CPED1: variants seen among roughly 807,000 people sequenced by gnomAD.
CPED1 encodes cadherin like and PC-esterase domain containing 1.
Under a neutral mutation model 128.2 loss-of-function variants are expected in CPED1, and 114 were observed. The observed-to-expected ratio is 0.89, with a 90% CI of 0.76 to 1.04. The LOEUF is 1.04. CPED1 is among the 50% of genes least tolerant of loss of function. CPED1 has a pLI of 0.00. For missense variants in CPED1, 1,211 were observed against 1,207.1 expected (o/e 1.00, Z -0.05); for synonymous variants, 462 against 426.7 (o/e 1.08, Z -1.02).
At chr7:121,168,013 G>T (rs559006831) in intron 16 of CPED1, among the ~76,000 whole-genome samples, 136 of 152,226 alleles carry the variant, frequency 8.9e-4, no homozygotes, top group Non-Finnish European at 1.7e-3. Context: ...GATTACAGGC[G>T]TGAGCCACCG....
chr7:121,090,806 G>A (rs920134018), intron 5 of CPED1, among the ~76,000 whole-genome samples: 1 of 151,916 alleles, frequency 6.6e-6, no homozygotes, highest in African/African-American at 2.4e-5. Flanking sequence ...AAAATTAACC[G>A]GGCATGGTGG....
intron 18 of CPED1, among the ~76,000 whole-genome samples, chr7:121,262,123 C>A (rs1396120218): frequency 6.6e-6 from 1 of 151,930 alleles, no homozygotes; most frequent in East Asian, 1.9e-4. Context: ...TTTAAAAGAG[C>A]CTGGCATGTC....
chr7:121,149,287 C>T (rs1584548862), intron 16 of CPED1, among the ~76,000 whole-genome samples: 2 of 152,096 alleles, frequency 1.3e-5, no homozygotes, highest in East Asian at 3.9e-4. Context: ...TGCACACATC[C>T]AAGGCTTGGG....
intron 3 of CPED1, among the ~76,000 whole-genome samples, chr7:121,030,344 T>TGGTTCCAGTTA (rs1281281094): frequency 2.0e-5 from 3 of 152,242 alleles, no homozygotes; most frequent in Non-Finnish European, 4.4e-5. Context: ...TCACTTTCCG[T>TGGTTCCAGTTA]GGTTCCAGTT....
At chr7:121,270,576 G>C (rs1792210714) in intron 21 of CPED1, among the ~76,000 whole-genome samples, 1 of 152,056 alleles carries the variant, frequency 6.6e-6, no homozygotes, top group Non-Finnish European at 1.5e-5. Context: ...TAAGAGGTAA[G>C]AATCCAGTTT....
rs759860937 is a variant in CPED1, at chr7:121,136,096, T to A, written c.1699+6T>A. On this transcript the variant is annotated splice_donor_region_variant and intron_variant, in intron 14 of 22. Transcript: ENST00000310396. ...AGAAATACATTGCAGTGATGGTGAG[T>A]TGAGATTAAAGTGTTGTAGCAGCAT... The A allele has an allele frequency of 9.7e-6, 15 of 1,551,640 alleles. No homozygotes were observed. Among genetic ancestry groups the A allele is most frequent in the Non-Finnish European group, 1.3e-5 (15 of 1,158,428 alleles).
At chr7:121,129,312 CGTAT>C (rs1440454236) in intron 11 of CPED1, among the ~76,000 whole-genome samples, 188 of 13,644 alleles carry the variant, frequency 0.014, 2 homozygotes, top group Non-Finnish European at 0.018. Flanking sequence ...TATATATATA[CGTAT>C]ATATATATAT....
At chr7:121,015,216 G>A (rs995756837) in intron 2 of CPED1, among the ~76,000 whole-genome samples, 3 of 152,020 alleles carry the variant, frequency 2.0e-5, no homozygotes, top group South Asian at 2.1e-4. Flanking sequence ...TTCTCACCTC[G>A]ACCCCTTCCT....
In CPED1 at chr7:121,101,912, A is replaced by G. The variant is rs140249189; in HGVS notation, c.918+1818A>G. On this transcript the variant is annotated intron_variant, in intron 7 of 22. Transcript: ENST00000310396. ...CCTCCCAGCAGGCCCCACCTCCAAC[A>G]TTGGGGATCATATTTCAACATGAGA... Among the ~76,000 whole-genome samples the G allele has an allele frequency of 9.4e-4, 143 of 152,246 alleles. 2 individuals carry two copies. Among genetic ancestry groups the G allele is most frequent in the African/African-American group, 3.3e-3 (136 of 41,550 alleles).
intron 22 of CPED1, among the ~76,000 whole-genome samples, chr7:121,275,256 A>G (rs1003342295): frequency 2.6e-5 from 4 of 152,174 alleles, no homozygotes; most frequent in African/African-American, 9.6e-5. Context: ...AGGCACCAAA[A>G]GAGAATATGT....
At chr7:121,114,991 T>C (rs978691136) in intron 7 of CPED1, among the ~76,000 whole-genome samples, 5 of 152,168 alleles carry the variant, frequency 3.3e-5, no homozygotes, top group Non-Finnish European at 7.3e-5. Flanking sequence ...TGACTTGGAG[T>C]GTTCAAGATA....
At chr7:121,279,596 G>T (rs940082972) in intron 22 of CPED1, among the ~76,000 whole-genome samples, 1 of 152,124 alleles carries the variant, frequency 6.6e-6, no homozygotes, top group African/African-American at 2.4e-5. Context: ...CTGTGAGTGA[G>T]GCATACTTGC....
At chr7:121,140,774 G>T (rs1388724399) in intron 14 of CPED1, 53 bp from the exon 15 acceptor site, 3 of 1,262,278 alleles carry the variant, frequency 2.4e-6, no homozygotes, top group East Asian at 4.8e-5. Context: ...ATTATTTAAA[G>T]ATATTTACCC....
chr7:121,063,516 G>A (rs201735149), intron 4 of CPED1, among the ~76,000 whole-genome samples: 1 of 151,778 alleles, frequency 6.6e-6, no homozygotes, highest in East Asian at 1.9e-4. Flanking sequence ...GCAGGACATA[G>A]TGCTGCAATA....
chr7:121,138,801 C>T (rs1176202776), intron 14 of CPED1, among the ~76,000 whole-genome samples: 1 of 152,000 alleles, frequency 6.6e-6, no homozygotes, highest in African/African-American at 2.4e-5. Context: ...TCCCTTTGTG[C>T]CTGGGTAATG....
intron 3 of CPED1, among the ~76,000 whole-genome samples, chr7:121,016,109 C>T (rs1396870261): frequency 6.6e-6 from 1 of 152,000 alleles, no homozygotes; most frequent in Non-Finnish European, 1.5e-5. Flanking sequence ...TTAAATGCTA[C>T]ATAAAATATG....
intron 17 of CPED1, among the ~76,000 whole-genome samples, chr7:121,240,934 A>AAAC (rs1197066387): frequency 2.6e-5 from 4 of 152,152 alleles, no homozygotes; most frequent in African/African-American, 4.8e-5. Context: ...AACAAAGATT[A>AAAC]AACTTTAGGC....
intron 16 of CPED1, among the ~76,000 whole-genome samples, chr7:121,162,277 T>A (rs1796427577): frequency 6.6e-6 from 1 of 152,244 alleles, no homozygotes; most frequent in African/African-American, 2.4e-5. Flanking sequence ...GAAGGATGAT[T>A]CAGTATTGTG....
chr7:121,057,651 C>G (rs192329708), intron 4 of CPED1, among the ~76,000 whole-genome samples: 38 of 152,308 alleles, frequency 2.5e-4, no homozygotes, highest in African/African-American at 8.7e-4. Flanking sequence ...TGCAGAATGT[C>G]TCAATAACTT....
Sources: allele counts gnomAD v4.1 joint callset (sites outside exome capture counted in the v4.1 genomes callset), GRCh38; gene constraint gnomAD v4.1.1; transcripts MANE v1.5; gene names NCBI Gene and HGNC (gene_info 2026-07-23, HGNC 2026-07-21).